Variants in RGS6 observed in about 807,000 individuals in gnomAD.
The protein encoded by RGS6 is regulator of G protein signaling 6, also known as regulator of G-protein signaling 6.
RGS6 carries 30 observed loss-of-function variants against 78.5 expected under a neutral mutation model. That is an observed-to-expected ratio of 0.38 (90% CI 0.29 to 0.52). The LOEUF (loss-of-function observed/expected upper bound fraction) is 0.52. Ranked by LOEUF, RGS6 falls within the 20% of genes least tolerant of loss-of-function variation. The pLI is 0.85. For missense variants in RGS6, 495 were observed against 609.7 expected (o/e 0.81, Z 1.98); for synonymous variants, 206 against 206.0 (o/e 1.00, Z 0.00).
intron 2 of RGS6, among the ~76,000 whole-genome samples, chr14:72,331,621 C>G (rs934393200): frequency 1.3e-5 from 2 of 150,578 alleles, no homozygotes; most frequent in African/African-American, 4.9e-5. Context: ...TCATCATCCT[C>G]TCTCTCTCTC....
chr14:72,490,127 T>A (rs2096558507), intron 12 of RGS6, among the ~76,000 whole-genome samples: 2 of 152,154 alleles, frequency 1.3e-5, no homozygotes, highest in Admixed American at 1.3e-4. Context: ...TCCCATGTGT[T>A]GTGAGAGGGA....
chr14:71,878,911 A>G, the RGS6 span, among the ~76,000 whole-genome samples: 3 of 152,166 alleles, frequency 2.0e-5, no homozygotes, highest in African/African-American at 7.2e-5. Flanking sequence ...GTGCTGATGT[A>G]CAATTAGAGT....
intron 3 of RGS6, among the ~76,000 whole-genome samples, chr14:72,452,224 TTCTCTCTCTCTCTC>T (rs56308165): frequency 1.4e-4 from 20 of 147,948 alleles, no homozygotes; most frequent in South Asian, 2.2e-4. Flanking sequence ...CACATATTCA[TTCTCTCTCTCTCTC>T]TCTCTCTCTC....
At chr14:72,333,661 G>A (rs2075471206) in intron 2 of RGS6, among the ~76,000 whole-genome samples, 1 of 152,202 alleles carries the variant, frequency 6.6e-6, no homozygotes, top group African/African-American at 2.4e-5. Flanking sequence ...GCCCTGAAAT[G>A]CTTTGTTCTG....
At chr14:72,124,912 A>G (rs2096150225) in intron 2 of RGS6, among the ~76,000 whole-genome samples, 1 of 152,222 alleles carries the variant, frequency 6.6e-6, no homozygotes, top group Non-Finnish European at 1.5e-5. Context: ...CAGATAAACA[A>G]CATAAGAGAA....
At chr14:72,276,405 A>C (rs1190755432) in intron 2 of RGS6, among the ~76,000 whole-genome samples, 1 of 152,224 alleles carries the variant, frequency 6.6e-6, no homozygotes, top group Non-Finnish European at 1.5e-5. Context: ...CAGAATATAC[A>C]TGCAGCACAT....
At chr14:72,292,533 CT>C (rs1167504393) in intron 2 of RGS6, among the ~76,000 whole-genome samples, 1 of 152,242 alleles carries the variant, frequency 6.6e-6, no homozygotes, top group Non-Finnish European at 1.5e-5. Context: ...ACAACCCTTT[CT>C]TTTCTCTAGT....
intron 2 of RGS6, among the ~76,000 whole-genome samples, chr14:72,163,678 T>C (rs568610993): frequency 6.6e-6 from 1 of 152,076 alleles, no homozygotes; most frequent in Admixed American, 6.5e-5. Context: ...AGGTCAGGCG[T>C]TCGAGACCAG....
At chr14:72,383,508 T>C (rs1020187935) in intron 3 of RGS6, among the ~76,000 whole-genome samples, 9 of 152,150 alleles carry the variant, frequency 5.9e-5, no homozygotes, top group African/African-American at 2.2e-4. Flanking sequence ...ACCTGCAACG[T>C]GATCCATTCG....
chr14:72,430,962 C>A (rs1488238853), intron 3 of RGS6, among the ~76,000 whole-genome samples: 1 of 152,150 alleles, frequency 6.6e-6, no homozygotes, highest in East Asian at 1.9e-4. Flanking sequence ...TGGGTCTTTT[C>A]CTTCCCCTGC....
intron 14 of RGS6, among the ~76,000 whole-genome samples, chr14:72,516,199 G>T (rs887442098): frequency 1.3e-5 from 2 of 152,230 alleles, no homozygotes; most frequent in African/African-American, 4.8e-5. Flanking sequence ...GGCCTTCCAG[G>T]CAGAGAAAGC....
At chr14:72,289,618 C>A (rs1467327636) in intron 2 of RGS6, among the ~76,000 whole-genome samples, 4 of 152,112 alleles carry the variant, frequency 2.6e-5, no homozygotes, top group African/African-American at 9.7e-5. Context: ...CTACCTTTTT[C>A]AAATGCTGAA....
chr14:72,242,122 A>G (rs2053020099), intron 2 of RGS6, among the ~76,000 whole-genome samples: 1 of 152,218 alleles, frequency 6.6e-6, no homozygotes, highest in African/African-American at 2.4e-5. Context: ...AAGAGAAAAG[A>G]CAATATTTAT....
the RGS6 span, among the ~76,000 whole-genome samples, chr14:71,897,741 G>C: frequency 2.0e-5 from 3 of 151,952 alleles, no homozygotes; most frequent in Admixed American, 6.6e-5. Flanking sequence ...AGATGGTCTC[G>C]ATCTCTTGAC....
At chr14:72,471,739 T>C (rs2096081956) in intron 8 of RGS6, among the ~76,000 whole-genome samples, 1 of 152,290 alleles carries the variant, frequency 6.6e-6, no homozygotes, top group South Asian at 2.1e-4. Flanking sequence ...CCCCCGGGGA[T>C]AGGCGGGTAC....
chr14:72,510,229 G>A lies in RGS6; in HGVS notation c.1041G>A (p.Arg347=). 1.2e-6 allele frequency: 2 copies of A among 1,614,146 alleles called. No individual in the cohort carries two copies. The highest frequency in any genetic ancestry group is 1.7e-6 in the Non-Finnish European group (2 of 1,179,990). ...FDEILKDQVG[R]DQFLRFLESE... Reference sequence around the variant, plus strand: ...AGATATTGAAGGACCAGGTGGGGCGGGACCAGTTTCTACGATTCCTGGAGT... The same window carrying A: ...AGATATTGAAGGACCAGGTGGGGCGAGACCAGTTTCTACGATTCCTGGAGT... Residue 347 remains arginine, a synonymous_variant, in exon 14 of 18, where the codon CGG becomes CGA. Coordinates refer to ENST00000553525, the MANE Select transcript of RGS6 (RefSeq NM_001204424.2).
intron 17 of RGS6, chr14:72,541,612 T>C: frequency 6.5e-7 from 1 of 1,535,624 alleles, no homozygotes; most frequent in Non-Finnish European, 8.7e-7. Flanking sequence ...CATGATGGCC[T>C]GAGAGAAGGT....
intron 2 of RGS6, among the ~76,000 whole-genome samples, chr14:72,248,944 C>G (rs1270351208): frequency 6.6e-6 from 1 of 152,114 alleles, no homozygotes. Context: ...TTGATTCTCT[C>G]CTAATAAGGC....
rs137947148 is a variant in RGS6, at chr14:72,063,444, T to C, written c.84+98569T>C. Reference sequence around the variant, plus strand: ...TGACAATATCATGTCATTGATTGGGTGGGGGCACAAGCTTGATTGAAGCTG... The same window carrying C: ...TGACAATATCATGTCATTGATTGGGCGGGGGCACAAGCTTGATTGAAGCTG... On this transcript the variant is annotated intron_variant, in intron 2 of 17. Coordinates refer to ENST00000553525, the MANE Select transcript of RGS6 (RefSeq NM_001204424.2). Among the ~76,000 whole-genome samples, 287 of 152,002 alleles carry C rather than the reference T, an allele frequency of 1.9e-3. 1 individual carries two copies. Among genetic ancestry groups the C allele is most frequent in the African/African-American group, 6.7e-3 (277 of 41,436 alleles).
Sources: allele counts gnomAD v4.1 joint callset (sites outside exome capture counted in the v4.1 genomes callset), GRCh38; gene constraint gnomAD v4.1.1; transcripts MANE v1.5; gene names NCBI Gene and HGNC (gene_info 2026-07-23, HGNC 2026-07-21).